The following HLCS variants were observed in gnomAD, a reference collection of about 807,000 sequenced individuals.
The protein encoded by HLCS is biotin--protein ligase.
A neutral mutation model predicts 75.0 loss-of-function variants in HLCS; 53 were observed. That is an observed-to-expected ratio of 0.71 (90% CI 0.57 to 0.89). The LOEUF (loss-of-function observed/expected upper bound fraction) is 0.89, where lower values mean the gene tolerates loss of function less well. Ranked by LOEUF, HLCS falls within the 40% of genes least tolerant of loss-of-function variation. The pLI is 0.00. For synonymous variants in HLCS, 431 were observed against 428.6 expected (o/e 1.01, Z -0.07); for missense variants, 966 against 1,074.0 (o/e 0.90, Z 1.41).
upstream of HLCS, among the ~76,000 whole-genome samples, chr21:36,966,961 G>A (rs1158788386): frequency 1.3e-5 from 2 of 151,684 alleles, no homozygotes; most frequent in Non-Finnish European, 2.9e-5. Context: ...ACCCGGAGAG[G>A]GGGCTCGAGG....
At chr21:36,938,301 G>A (rs2066986194) in intron 3 of HLCS, among the ~76,000 whole-genome samples, 1 of 152,142 alleles carries the variant, frequency 6.6e-6, no homozygotes, top group African/African-American at 2.4e-5. Flanking sequence ...GAGCAATGCA[G>A]TCATGAAAAC....
chr21:36,944,904 C>T (rs985011255), intron 2 of HLCS, among the ~76,000 whole-genome samples: 5 of 152,060 alleles, frequency 3.3e-5, no homozygotes, highest in Admixed American at 2.0e-4. Flanking sequence ...GGGTGGATCA[C>T]GAGGTCAGGA....
intron 1 of HLCS, among the ~76,000 whole-genome samples, chr21:36,962,430 C>T (rs929270670): frequency 6.6e-6 from 1 of 152,112 alleles, no homozygotes; most frequent in African/African-American, 2.4e-5. Context: ...AATTCTGAAA[C>T]GGGGCCTATC....
chr21:36,779,297 CTCCT>C (rs553877182), intron 6 of HLCS, among the ~76,000 whole-genome samples: 273 of 151,864 alleles, frequency 1.8e-3, no homozygotes, highest in Middle Eastern at 0.01. Context: ...CCATCCCTCC[CTCCT>C]TCCTTCCTTC....
At chr21:36,896,744 T>A in intron 6 of HLCS, 116 bp downstream of exon 6, 1 of 1,138,610 alleles carries the variant, frequency 8.8e-7, no homozygotes, top group Non-Finnish European at 1.3e-6. Flanking sequence ...ACCTTGCTAA[T>A]AGGTCTGGTC....
chr21:36,847,455 G>A (rs1212030040), intron 6 of HLCS, among the ~76,000 whole-genome samples: 2 of 152,152 alleles, frequency 1.3e-5, no homozygotes, highest in African/African-American at 4.8e-5. Flanking sequence ...CACTTAGACA[G>A]TAATACCAGC....
intron 1 of HLCS, among the ~76,000 whole-genome samples, chr21:36,972,619 A>C (rs1335057506): frequency 6.6e-6 from 1 of 152,226 alleles, no homozygotes; most frequent in Non-Finnish European, 1.5e-5. Context: ...ACTGAGTTAC[A>C]TATAGAAAGG....
rs139567332 is a variant in HLCS at position 36,842,615 on chromosome 21, C to T, written c.1892+54245G>A. 3.3e-5 allele frequency among the ~76,000 whole-genome samples: 5 copies of T among 152,140 alleles called. No individual in the cohort carries two copies. Among genetic ancestry groups the T allele is most frequent in the South Asian group, 4.2e-4 (2 of 4,814 alleles). ...GAAGTTGGCTGGGTGTGGTGACGCA[C>T]GCCTGTAATGCCAGCTACTTGGGAG... On this transcript the variant is annotated intron_variant, in intron 6 of 10. Transcript: ENST00000674895. This position sits in a 1 kb window ranked among gnomAD's most constrained non-coding sequence, Gnocchi z 4.2.
At chr21:36,844,361 C>A (rs1460573460) in intron 6 of HLCS, among the ~76,000 whole-genome samples, 2 of 151,924 alleles carry the variant, frequency 1.3e-5, no homozygotes, top group African/African-American at 4.8e-5. Flanking sequence ...ATTCGGCGGG[C>A]GAGACAGAAG....
At chr21:36,869,983 T>C (rs1285885930) in intron 6 of HLCS, among the ~76,000 whole-genome samples, 1 of 152,180 alleles carries the variant, frequency 6.6e-6, no homozygotes. Context: ...ACCTTTAAAA[T>C]AAAACCCGTG....
rs372637815 is a variant in HLCS, at chr21:36,830,378, T to C, written c.1893-63093A>G. Among the ~76,000 whole-genome samples the C allele has an allele frequency of 1.4e-3, 218 of 152,338 alleles. 2 individuals are homozygous for C. The highest frequency in any genetic ancestry group is 5.0e-3 in the African/African-American group (210 of 41,586). On this transcript the variant is annotated intron_variant, in intron 6 of 10. Transcript: ENST00000674895. ...ATCCAGTCCTGTGGTAACGGGAGCA[T>C]TAAAAAGCTCTGCGAGGAATGCGTG...
intron 6 of HLCS, among the ~76,000 whole-genome samples, chr21:36,783,615 T>A (rs955773955): frequency 6.6e-6 from 1 of 152,144 alleles, no homozygotes; most frequent in East Asian, 1.9e-4. Context: ...GGACACAAAG[T>A]GTGCACCACA....
chr21:36,848,515 T>A (rs1353434978), intron 6 of HLCS, among the ~76,000 whole-genome samples: 1 of 152,154 alleles, frequency 6.6e-6, no homozygotes, highest in Non-Finnish European at 1.5e-5. Flanking sequence ...ACGATCTGCC[T>A]GCCTCAGCCT....
chr21:36,792,232 C>T (rs1461568461), intron 6 of HLCS, among the ~76,000 whole-genome samples: 3 of 152,232 alleles, frequency 2.0e-5, no homozygotes, highest in Non-Finnish European at 2.9e-5. Flanking sequence ...CCCAGCGCTA[C>T]GCTCTGGGGA....
rs557665849 is a variant in HLCS, at chr21:36,751,931, A to G, written c.*2315T>C. 3 of 152,348 alleles carry G rather than the reference A, an allele frequency of 2.0e-5. No individual in the cohort carries two copies. The highest frequency in any genetic ancestry group is 7.2e-5 in the African/African-American group (3 of 41,458). 9.4% of individuals were successfully genotyped at this position (152,348 alleles called of 1,614,324 possible). On this transcript the variant is annotated 3_prime_UTR_variant, in exon 11 of 11. Transcript: ENST00000674895. ...CCACATTTTAAAGATCATCAGGAAA[A>G]TGCCAAGTTCCCATTAAGACTTTAA...
chr21:36,879,388 A>G (rs969942568), intron 6 of HLCS, among the ~76,000 whole-genome samples: 3 of 152,240 alleles, frequency 2.0e-5, no homozygotes, highest in Admixed American at 6.5e-5. Flanking sequence ...ATAAATTATG[A>G]TAGACTAATC....
intron 4 of HLCS, among the ~76,000 whole-genome samples, chr21:36,932,386 G>C (rs2066686989): frequency 6.6e-6 from 1 of 152,124 alleles, no homozygotes; most frequent in African/African-American, 2.4e-5. Context: ...CTTTAAGTGA[G>C]GACTTACTGA....
At chr21:36,829,481 C>T (rs144559131) in intron 6 of HLCS, among the ~76,000 whole-genome samples, 152 of 152,218 alleles carry the variant, frequency 1.0e-3, no homozygotes, top group Non-Finnish European at 1.5e-3. Context: ...ATACTTATTA[C>T]AAGAGAATGC....
At chr21:36,885,684 C>T (rs757017303) in intron 6 of HLCS, among the ~76,000 whole-genome samples, 9 of 152,096 alleles carry the variant, frequency 5.9e-5, no homozygotes, top group Non-Finnish European at 1.0e-4. Flanking sequence ...TACTAAGAGT[C>T]TGCTGACATA....
Sources: allele counts gnomAD v4.1 joint callset (sites outside exome capture counted in the v4.1 genomes callset), GRCh38; gene constraint gnomAD v4.1.1; non-coding constraint Gnocchi (gnomAD v3.1); transcripts MANE v1.5; gene names NCBI Gene and HGNC (gene_info 2026-07-23, HGNC 2026-07-21).